The following USP13 variants were observed in gnomAD, a reference collection of about 807,000 sequenced individuals.
USP13 encodes the protein ubiquitin specific peptidase 13.
In USP13, 68 loss-of-function variants were observed where a neutral mutation model predicts 107.8. The observed-to-expected ratio is 0.63, with a 90% CI of 0.52 to 0.77. The LOEUF is 0.77. Among genes scored for constraint, USP13 ranks in the 30% least tolerant of loss-of-function variants. The probability of loss-of-function intolerance (pLI) is 0.00; values close to 1 mark genes in which losing one functional copy is unlikely to be tolerated. For missense variants in USP13, 945 were observed against 1,093.3 expected (o/e 0.86, Z 1.91); for synonymous variants, 377 against 389.5 (o/e 0.97, Z 0.38).
In USP13 at chr3:179,653,490, C is replaced by T; in HGVS notation, c.168+97C>T. The T allele has an allele frequency of 4.8e-6, 7 of 1,462,704 alleles. No individual in the cohort carries two copies. The highest frequency in any genetic ancestry group is 5.5e-6 in the Non-Finnish European group (6 of 1,093,300). The allele number at this position is 1,462,704 out of a possible 1,614,324, so 90.6% of individuals were successfully genotyped here. A position where few individuals can be genotyped will look rare whatever the true frequency, so the allele number is the denominator to read the frequency against. On this transcript the variant is annotated intron_variant, in intron 1 of 20. Coordinates refer to ENST00000263966, the MANE Select transcript of USP13 (RefSeq NM_003940.3). This position sits in a 1 kb window ranked among gnomAD's most constrained non-coding sequence, Gnocchi z 4.0. The stretch of plus-strand genomic sequence containing the variant: ...CGCAGTGGCGGCCGGGACCTCTTCT[C>T]TTCCTCCGGGCGGCAGAGTTGGCTC...
chr3:179,673,978 C>T lies in USP13; in HGVS notation c.169-7900C>T, dbSNP rs111415260. On this transcript the variant is annotated intron_variant, in intron 1 of 20. Coordinates refer to ENST00000263966, the MANE Select transcript of USP13 (RefSeq NM_003940.3). The stretch of plus-strand genomic sequence containing the variant: ...CGCGATCTTGGCTCACCGCAACCTC[C>T]GCCTTTCGGGTTCAAACGATTCTCC... 7.0e-3 allele frequency among the ~76,000 whole-genome samples: 1,059 copies of T among 152,306 alleles called. 17 individuals carry two copies. Among genetic ancestry groups the T allele is most frequent in the African/African-American group, 0.024 (1,001 of 41,558 alleles).
chr3:179,759,505 A>G (rs912251294), intron 16 of USP13, among the ~76,000 whole-genome samples: 7 of 152,138 alleles, frequency 4.6e-5, no homozygotes, highest in Admixed American at 4.6e-4. Context: ...AGGTTTAAAA[A>G]CTTATCTGAT....
intron 16 of USP13, among the ~76,000 whole-genome samples, chr3:179,760,474 G>A (rs111250969): frequency 1.5e-4 from 23 of 151,672 alleles, no homozygotes; most frequent in Middle Eastern, 6.8e-3. Flanking sequence ...TAGTAGAGAC[G>A]GGGTTTCACC....
At chr3:179,776,867 T>G (rs1715559231) in intron 19 of USP13, among the ~76,000 whole-genome samples, 1 of 147,598 alleles carries the variant, frequency 6.8e-6, no homozygotes, top group Admixed American at 6.7e-5. Context: ...GGTTTTTTTT[T>G]TTTTTTTTTT....
At chr3:179,718,642 G>A (rs1002694319) in intron 6 of USP13, among the ~76,000 whole-genome samples, 2 of 152,288 alleles carry the variant, frequency 1.3e-5, no homozygotes, top group East Asian at 1.9e-4. Flanking sequence ...ATAGGGCAGC[G>A]GATTGGATAG....
chr3:179,768,641 A>G (rs1018855582), intron 19 of USP13, among the ~76,000 whole-genome samples: 10 of 152,232 alleles, frequency 6.6e-5, no homozygotes, highest in African/African-American at 2.4e-4. Context: ...AGAACCACAA[A>G]TGTTTTCAAA....
At chr3:179,690,440 C>G in intron 3 of USP13, 139 bp downstream of exon 3, 1 of 711,636 alleles carries the variant, frequency 1.4e-6, no homozygotes, top group South Asian at 2.9e-5. Context: ...ATTTAAGGCC[C>G]GCCTCCACTT....
At chr3:179,768,318 A>G (rs559407345) in intron 19 of USP13, among the ~76,000 whole-genome samples, 67 of 152,156 alleles carry the variant, frequency 4.4e-4, no homozygotes, top group Non-Finnish European at 9.0e-4. Flanking sequence ...TCTCTCACAG[A>G]TGGTCAGTAA....
chr3:179,713,569 C>T (rs1164500351), intron 6 of USP13, among the ~76,000 whole-genome samples: 1 of 152,080 alleles, frequency 6.6e-6, no homozygotes, highest in African/African-American at 2.4e-5. Flanking sequence ...TGAGGGTCTG[C>T]TCTTCCACAC....
chr3:179,653,497 C>T lies in USP13; in HGVS notation c.168+104C>T, dbSNP rs994918985. On this transcript the variant is annotated intron_variant, in intron 1 of 20. Coordinates refer to ENST00000263966, the MANE Select transcript of USP13 (RefSeq NM_003940.3). The surrounding 1 kb of genome is among the most constrained non-coding windows in gnomAD (Gnocchi z 4.0). ...GCGGCCGGGACCTCTTCTCTTCCTCCGGGCGGCAGAGTTGGCTCAGGAACA... is the reference window on the plus strand; with the variant it reads ...GCGGCCGGGACCTCTTCTCTTCCTCTGGGCGGCAGAGTTGGCTCAGGAACA... 23 of 1,451,776 alleles carry T rather than the reference C, an allele frequency of 1.6e-5. No homozygotes were observed. The highest frequency in any genetic ancestry group is 2.9e-5 in the African/African-American group (2 of 69,914). The allele number at this position is 1,451,776 out of a possible 1,614,324, so 89.9% of individuals were successfully genotyped here. A position where few individuals can be genotyped will look rare whatever the true frequency, so the allele number is the denominator to read the frequency against.
intron 8 of USP13, among the ~76,000 whole-genome samples, chr3:179,722,777 G>T (rs1713371093): frequency 6.6e-6 from 1 of 152,074 alleles, no homozygotes; most frequent in African/African-American, 2.4e-5. Flanking sequence ...CATCCTAATT[G>T]TATTTTTAAA....
intron 1 of USP13, among the ~76,000 whole-genome samples, chr3:179,668,173 T>C (rs1285806407): frequency 6.6e-6 from 1 of 152,178 alleles, no homozygotes; most frequent in African/African-American, 2.4e-5. Flanking sequence ...TATTTATTTA[T>C]ATTTTTTTTA....
intron 13 of USP13, among the ~76,000 whole-genome samples, chr3:179,749,461 G>C (rs1051806468): frequency 2.6e-5 from 4 of 152,012 alleles, no homozygotes; most frequent in African/African-American, 9.7e-5. Flanking sequence ...AGAAATAAAA[G>C]AATAAGCTGA....
At chr3:179,778,341 C>T (rs1332234766) in intron 19 of USP13, among the ~76,000 whole-genome samples, 2 of 152,188 alleles carry the variant, frequency 1.3e-5, no homozygotes, top group East Asian at 3.9e-4. Flanking sequence ...TTATTAAGTA[C>T]CTACAGTGTG....
intron 3 of USP13, among the ~76,000 whole-genome samples, chr3:179,694,739 T>C (rs995031180): frequency 4.4e-5 from 6 of 137,126 alleles, no homozygotes; most frequent in African/African-American, 1.4e-4. Flanking sequence ...AGGCGGAGGT[T>C]GCAGTGAGCT....
chr3:179,676,634 G>C (rs1335826775), intron 1 of USP13, among the ~76,000 whole-genome samples: 1 of 152,194 alleles, frequency 6.6e-6, no homozygotes, highest in East Asian at 1.9e-4. Flanking sequence ...GACAGTGTAT[G>C]ATAGGACCAA....
intron 6 of USP13, among the ~76,000 whole-genome samples, chr3:179,718,030 G>C (rs750501717): frequency 2.6e-5 from 4 of 152,056 alleles, no homozygotes; most frequent in Admixed American, 2.6e-4. Flanking sequence ...TAGCTTCTAT[G>C]CATTACTTTT....
In USP13 at chr3:179,754,762, A is replaced by G. The variant is rs758858013; in HGVS notation, c.1829A>G (p.Asp610Gly). ...TCTATTGATATGCCAGACCTACTTG[A>G]TATCAACCATCTCCGAGCCAGGGGG... ...DVSIDMPDLL[D>G]INHLRARGLQ... The change falls in exon 15 of 21, where the codon GAT becomes GGT. Residue 610 changes from aspartate to glycine, a missense_variant. Physicochemically the swap from Asp to Gly is moderately conservative, Grantham distance 94. Transcript: ENST00000263966. 3.7e-6 allele frequency: 6 copies of G among 1,613,604 alleles called. No individual in the cohort carries two copies. The highest frequency in any genetic ancestry group is 4.2e-6 in the Non-Finnish European group (5 of 1,179,888).
At chr3:179,751,112 AC>A (rs1198504979) in intron 13 of USP13, among the ~76,000 whole-genome samples, 4 of 152,276 alleles carry the variant, frequency 2.6e-5, no homozygotes, top group African/African-American at 9.6e-5. Context: ...ACATATACCT[AC>A]CACACCCACA....
Sources: gnomAD v4.1 joint callset for allele counts (sites outside exome capture counted in the v4.1 genomes callset) on GRCh38, gnomAD v4.1.1 for gene constraint, Gnocchi (gnomAD v3.1) non-coding constraint, MANE v1.5 for transcripts, NCBI Gene and HGNC (gene_info 2026-07-23, HGNC 2026-07-21) for gene names.